Variants in SLC39A11 observed in about 807,000 individuals in gnomAD.
SLC39A11 encodes zinc transporter ZIP11.
A neutral mutation model predicts 36.1 loss-of-function variants in SLC39A11; 33 were observed. The ratio of observed to expected loss-of-function variants is 0.91; its 90% CI spans 0.69 to 1.22. The LOEUF (loss-of-function observed/expected upper bound fraction) is 1.22. Ranked by LOEUF, SLC39A11 falls within the 50% of genes most tolerant of loss-of-function variation. SLC39A11 has a pLI of 0.00. For missense variants in SLC39A11, 432 were observed against 430.3 expected (o/e 1.00, Z -0.03); for synonymous variants, 166 against 170.3 (o/e 0.97, Z 0.20).
intron 3 of SLC39A11, among the ~76,000 whole-genome samples, chr17:73,074,620 T>C (rs2060263996): frequency 6.6e-6 from 1 of 152,100 alleles, no homozygotes. Context: ...AGTCCATTTC[T>C]TTCCATCCAG....
chr17:72,942,691 G>A lies in SLC39A11; in HGVS notation c.430+5061C>T, dbSNP rs555387877. Among the ~76,000 whole-genome samples, 16 of 152,292 alleles carry A rather than the reference G, an allele frequency of 1.1e-4. No homozygotes were observed. In the East Asian group the frequency reaches 2.7e-3, roughly 26 times the overall value. On this transcript the variant is annotated intron_variant, in intron 5 of 9. Transcript: ENST00000255559. ...GTTTAAATAAGTCATCTTTGCTTCC[G>A]TAGGCTTAGGCTATTCCAAGCAGTT...
chr17:72,775,945 G>A (rs561163269), intron 6 of SLC39A11, among the ~76,000 whole-genome samples: 2 of 152,300 alleles, frequency 1.3e-5, no homozygotes, highest in East Asian at 3.9e-4. Flanking sequence ...TCTTGTTCAG[G>A]TCCCTCTACA....
chr17:72,861,021 T>C (rs993667590), intron 5 of SLC39A11, among the ~76,000 whole-genome samples: 2 of 152,200 alleles, frequency 1.3e-5, no homozygotes, highest in Admixed American at 1.3e-4. Context: ...CATTCTCTAG[T>C]TTCTGCCACG....
intron 6 of SLC39A11, among the ~76,000 whole-genome samples, chr17:72,828,468 G>A (rs530882907): frequency 1.3e-5 from 2 of 152,348 alleles, no homozygotes; most frequent in South Asian, 2.1e-4. Context: ...GGCCACAGTA[G>A]GAGTGAAATG....
chr17:72,855,737 A>T (rs912342354), intron 5 of SLC39A11, among the ~76,000 whole-genome samples: 6 of 108,208 alleles, frequency 5.5e-5, no homozygotes, highest in Non-Finnish European at 1.3e-4. Context: ...TCTACTAAAA[A>T]ATACAAAAAA....
intron 5 of SLC39A11, among the ~76,000 whole-genome samples, chr17:72,872,719 T>C (rs1175798957): frequency 2.6e-5 from 4 of 152,092 alleles, no homozygotes; most frequent in Non-Finnish European, 5.9e-5. Flanking sequence ...TTGTGGGGAC[T>C]GAAACTGTCT....
At chr17:72,737,503 T>C (rs2074481197) in intron 6 of SLC39A11, among the ~76,000 whole-genome samples, 1 of 152,162 alleles carries the variant, frequency 6.6e-6, no homozygotes, top group Admixed American at 6.5e-5. Context: ...CAGGGCTTTA[T>C]TTATTAGCTC....
In SLC39A11 at chr17:72,744,630, G is replaced by C. The variant is rs528865953; in HGVS notation, c.602-7911C>G. 1.9e-3 allele frequency among the ~76,000 whole-genome samples: 287 copies of C among 152,222 alleles called. 1 individual carries two copies. Among genetic ancestry groups the C allele is most frequent in the Middle Eastern group, 6.8e-3 (2 of 294 alleles). On this transcript the variant is annotated intron_variant, in intron 6 of 9. Transcript: ENST00000255559. ...TGAGATCAAGGTGGCCGCAGATTTG[G>C]TGTCTGGTGAGGGCTAGCTTCCTGG...
chr17:72,818,012 G>A (rs1417726458), intron 6 of SLC39A11: 1 of 152,082 alleles, frequency 6.6e-6, no homozygotes, highest in Non-Finnish European at 1.5e-5. Context: ...CAGATATCAT[G>A]AGAACTCACA....
At chr17:72,791,331 T>C (rs1242785658) in intron 6 of SLC39A11, among the ~76,000 whole-genome samples, 2 of 152,264 alleles carry the variant, frequency 1.3e-5, no homozygotes, top group African/African-American at 2.4e-5. Context: ...GTGCACACCA[T>C]GTCCCAGCTA....
intron 4 of SLC39A11, among the ~76,000 whole-genome samples, chr17:72,965,412 A>G (rs976823243): frequency 2.6e-5 from 4 of 152,212 alleles, no homozygotes; most frequent in Non-Finnish European, 5.9e-5. Context: ...AGTGATATGC[A>G]TTCAATAGAA....
chr17:72,897,325 T>C (rs2082085074), intron 5 of SLC39A11, among the ~76,000 whole-genome samples: 1 of 152,182 alleles, frequency 6.6e-6, no homozygotes, highest in Non-Finnish European at 1.5e-5. Flanking sequence ...AGTCATCTAA[T>C]ATAACCTCAT....
At chr17:73,080,124 T>C (rs1282917701) in intron 3 of SLC39A11, among the ~76,000 whole-genome samples, 1 of 152,056 alleles carries the variant, frequency 6.6e-6, no homozygotes, top group African/African-American at 2.4e-5. Flanking sequence ...TTCACAGAAC[T>C]AGAAAAAATA....
At chr17:72,759,676 A>T (rs995408764) in intron 6 of SLC39A11, among the ~76,000 whole-genome samples, 1 of 152,206 alleles carries the variant, frequency 6.6e-6, no homozygotes, top group African/African-American at 2.4e-5. Context: ...TCTAGAGGAG[A>T]CATAAAAAAT....
At chr17:73,051,953 G>A (rs2059518300) in intron 3 of SLC39A11, among the ~76,000 whole-genome samples, 1 of 151,602 alleles carries the variant, frequency 6.6e-6, no homozygotes, top group South Asian at 2.1e-4. Flanking sequence ...ATCAGGCTTA[G>A]GACACTGATT....
At chr17:73,055,636 GC>G (rs2059640824) in intron 3 of SLC39A11, among the ~76,000 whole-genome samples, 2 of 151,818 alleles carry the variant, frequency 1.3e-5, no homozygotes. Context: ...CGGGTAGGGG[GC>G]GAGGGGCAGG....
At chr17:72,653,776 T>C (rs941361256) in intron 7 of SLC39A11, among the ~76,000 whole-genome samples, 4 of 152,144 alleles carry the variant, frequency 2.6e-5, no homozygotes, top group Non-Finnish European at 5.9e-5. Flanking sequence ...CATTGGATAA[T>C]TGAGCCCTGG....
At chr17:72,718,486 C>G (rs1341582904) in intron 7 of SLC39A11, among the ~76,000 whole-genome samples, 3 of 152,162 alleles carry the variant, frequency 2.0e-5, no homozygotes, top group African/African-American at 7.2e-5. Context: ...AGTCAATGTT[C>G]AAAGGATTCA....
At chr17:72,955,001 G>T (rs1322231002) in intron 4 of SLC39A11, among the ~76,000 whole-genome samples, 2 of 152,176 alleles carry the variant, frequency 1.3e-5, no homozygotes, top group East Asian at 1.9e-4. Context: ...TAAGTACTTG[G>T]TCTCTCCTGG....
Sources: gnomAD v4.1 joint callset for allele counts (sites outside exome capture counted in the v4.1 genomes callset) on GRCh38, gnomAD v4.1.1 for gene constraint, MANE v1.5 for transcripts, NCBI Gene and HGNC (gene_info 2026-07-23, HGNC 2026-07-21) for gene names.